CBX8: variants seen among roughly 807,000 people sequenced by gnomAD.
CBX8 encodes the protein chromobox 8, also known as chromobox protein homolog 8.
Under a neutral mutation model 39.7 loss-of-function variants are expected in CBX8, and 8 were observed. The ratio of observed to expected loss-of-function variants is 0.20; its 90% CI spans 0.12 to 0.36. The LOEUF (loss-of-function observed/expected upper bound fraction) is 0.36. CBX8 is among the 10% of genes least tolerant of loss of function. The probability of loss-of-function intolerance (pLI) is 1.00; values close to 1 mark genes in which losing one functional copy is unlikely to be tolerated. For synonymous variants in CBX8, 268 were observed against 219.8 expected (o/e 1.22, Z -1.94); for missense variants, 505 against 529.6 (o/e 0.95, Z 0.46).
rs1273589358 is a variant in CBX8, at chr17:79,795,130, G to A, written c.675C>T (p.Tyr225=). The A allele has an allele frequency of 4.3e-6, 7 of 1,613,606 alleles. No individual in the cohort carries two copies. The highest frequency in any genetic ancestry group is 1.3e-5 in the African/African-American group (1 of 75,062). Residue 225 remains tyrosine, a synonymous_variant, in exon 5 of 5, where the codon TAC becomes TAT. Coordinates refer to ENST00000269385, the MANE Select transcript of CBX8 (RefSeq NM_020649.3). This position sits in a 1 kb window ranked among gnomAD's most constrained non-coding sequence, Gnocchi z 5.8. The part of the protein sequence containing the change: ...LGEPSAGLGE[Y]LKGRKLDDTP... Reference sequence around the variant, plus strand: ...TGTCGTCCAGCTTCCTGCCCTTGAGGTACTCTCCGAGGCCGGCGCTGGGTT... The same window carrying A: ...TGTCGTCCAGCTTCCTGCCCTTGAGATACTCTCCGAGGCCGGCGCTGGGTT...
At position 79,797,025 on chromosome 17, in the gene CBX8, C is replaced by G. The variant is rs752385628; in HGVS notation, c.-27G>C. 8.7e-6 allele frequency: 14 copies of G among 1,600,912 alleles called. No homozygotes were observed. The Admixed American group carries it at 1.4e-4, about 15-fold the overall frequency. ...TTGACTCGCCGCTTCCCCCCTTGGC[C>G]GCTTCCAGGAGCAGAAAAGCAGCAG... On this transcript the variant is annotated 5_prime_UTR_variant, in exon 1 of 5. Coordinates refer to ENST00000269385, the MANE Select transcript of CBX8 (RefSeq NM_020649.3).
chr17:79,794,552 T>C lies in CBX8; in HGVS notation c.*83A>G, dbSNP rs929853267. 5.3e-6 allele frequency: 6 copies of C among 1,132,154 alleles called. No individual in the cohort carries two copies. Among genetic ancestry groups the C allele is most frequent in the South Asian group, 4.8e-5 (3 of 62,722 alleles). 70.1% of individuals were successfully genotyped at this position (1,132,154 alleles called of 1,614,324 possible). On this transcript the variant is annotated 3_prime_UTR_variant, in exon 5 of 5. Coordinates refer to ENST00000269385, the MANE Select transcript of CBX8 (RefSeq NM_020649.3). The stretch of plus-strand genomic sequence containing the variant: ...GGACGGGACCAGCCAAAAGGCCACA[T>C]CCCACCCAGAAATAAAAATCACTAT...
chr17:79,793,929 G>A lies in CBX8; in HGVS notation c.*706C>T, dbSNP rs1176155880. 6.6e-6 allele frequency: 1 copy of A among 152,058 alleles called. No homozygotes were observed. Among genetic ancestry groups the A allele is most frequent in the Non-Finnish European group, 1.5e-5 (1 of 68,034 alleles). The allele number at this position is 152,058 out of a possible 1,614,324, so 9.4% of individuals were successfully genotyped here. ...CCCTCCCTAAAGTGCATTTCCTGGT[G>A]TGGTCCTGGGGAGAAACCTCCTGTC... On this transcript the variant is annotated 3_prime_UTR_variant, in exon 5 of 5. Coordinates refer to ENST00000269385, the MANE Select transcript of CBX8 (RefSeq NM_020649.3).
rs1250666434 is a variant in CBX8, at chr17:79,795,078, C to A, written c.727G>T (p.Ala243Ser). Reference sequence around the variant, plus strand: ...GCCAGCTGGATCACACTGTGGCCGGCTGGAAACTTTCCTGCCCCGGAAGGG... The same window carrying A: ...GCCAGCTGGATCACACTGTGGCCGGATGGAAACTTTCCTGCCCCGGAAGGG... Reference protein sequence around the residue: ...DTPSGAGKFPAGHSVIQLARR... With the variant: ...DTPSGAGKFPSGHSVIQLARR... Residue 243 changes from alanine to serine, a missense_variant, in exon 5 of 5, where the codon GCC becomes TCC. Ala to Ser is a moderately conservative substitution (Grantham distance 99, BLOSUM62 1). Around this residue, in one of 3 missense-constraint regions of CBX8, gnomAD observed 456 missense variants for 389.2 expected, o/e 1.17. Transcript: ENST00000269385. The surrounding 1 kb of genome is among the most constrained non-coding windows in gnomAD (Gnocchi z 5.8). 4.3e-6 allele frequency: 7 copies of A among 1,610,130 alleles called. No homozygotes were observed. The highest frequency in any genetic ancestry group is 2.2e-5 in the East Asian group (1 of 44,740).
In CBX8 at chr17:79,793,067, G is replaced by A. The variant is rs1351088850; in HGVS notation, c.*1568C>T. The A allele has an allele frequency of 6.6e-6, 1 of 152,264 alleles. No individual in the cohort carries two copies. Among genetic ancestry groups the A allele is most frequent in the Non-Finnish European group, 1.5e-5 (1 of 68,074 alleles). 9.4% of individuals were successfully genotyped at this position (152,264 alleles called of 1,614,324 possible). A position where few individuals can be genotyped will look rare whatever the true frequency, so the allele number is the denominator to read the frequency against. ...ATCCGTGCTCCAAGAGACGGGGGTG[G>A]AGTGGAGGGGACTGATTTGTGCTTT... On this transcript the variant is annotated 3_prime_UTR_variant, in exon 5 of 5. Transcript: ENST00000269385.
In CBX8 at chr17:79,795,684, ATGGG is replaced by A. The variant is rs57326705; in HGVS notation, c.247-130_247-127del. ...TGGGAATTTCTACATGGATGCATGG[ATGGG>A]TGGGTGGGTGGGTGGGTGGATGGCT... is the stretch of plus-strand genomic sequence containing the variant. On this transcript the variant is annotated intron_variant, in intron 4 of 4. Transcript: ENST00000269385. The surrounding 1 kb of genome is among the most constrained non-coding windows in gnomAD (Gnocchi z 5.8). The A allele has an allele frequency of 0.01, 109 of 10,846 alleles. No homozygotes were observed. Among genetic ancestry groups the A allele is most frequent in the African/African-American group, 0.019 (43 of 2,276 alleles). 0.7% of individuals were successfully genotyped at this position (10,846 alleles called of 1,614,324 possible). A position where few individuals can be genotyped will look rare whatever the true frequency, so the allele number is the denominator to read the frequency against.
Position 79,795,251 on chromosome 17 carries a change from A to C in CBX8, c.554T>G (p.Val185Gly). 1.2e-6 allele frequency: 2 copies of C among 1,611,294 alleles called. No individual in the cohort carries two copies. The highest frequency in any genetic ancestry group is 1.7e-6 in the Non-Finnish European group (2 of 1,179,118). ...CCCCGGTGAGCTGGGCTTGTCATCC[A>C]CTCTGCTGGTACCCCGCTCTCGTTC... is the stretch of plus-strand genomic sequence containing the variant. ...ERERERGTSR[V>G]DDKPSSPGDS... The change falls in exon 5 of 5, where the codon GTG becomes GGG. Residue 185 changes from valine (V) to glycine (G), a missense_variant. Val to Gly is a moderately radical substitution (Grantham distance 109). Coordinates refer to ENST00000269385, the MANE Select transcript of CBX8 (RefSeq NM_020649.3). The surrounding 1 kb of genome is among the most constrained non-coding windows in gnomAD (Gnocchi z 5.8).
intron 1 of CBX8, 137 bp downstream of exon 1, chr17:79,796,793 C>T: frequency 1.4e-6 from 1 of 691,784 alleles, no homozygotes; most frequent in Non-Finnish European, 2.2e-6. Context: ...CTCAGAGCTG[C>T]CGCCGCCGCC....
chr17:79,796,397 T>C (rs752930048), intron 2 of CBX8, 82 bp from the exon 3 acceptor site: 277 of 1,592,682 alleles, frequency 1.7e-4, no homozygotes, highest in Non-Finnish European at 2.2e-4. Context: ...GTAACTTTTC[T>C]CATTGCATTG....
chr17:79,792,693 G>T lies in CBX8; in HGVS notation c.*1942C>A, dbSNP rs1263191134. On this transcript the variant is annotated 3_prime_UTR_variant, in exon 5 of 5. Transcript: ENST00000269385. The stretch of plus-strand genomic sequence containing the variant: ...AGTCTAAAATACCAGTTTTACAAAT[G>T]TGAGTAGATAAAAATCCCCATTCCA... The T allele has an allele frequency of 6.6e-6, 1 of 152,238 alleles. No homozygotes were observed. The highest frequency in any genetic ancestry group is 2.4e-5 in the African/African-American group (1 of 41,462). The allele number at this position is 152,238 out of a possible 1,614,324, so 9.4% of individuals were successfully genotyped here. A position where few individuals can be genotyped will look rare whatever the true frequency, so the allele number is the denominator to read the frequency against.
In CBX8 at chr17:79,796,266, C is replaced by A; in HGVS notation, c.163G>T (p.Ala55Ser). 3 of 1,614,136 alleles carry A rather than the reference C, an allele frequency of 1.9e-6. No homozygotes were observed. Among genetic ancestry groups the A allele is most frequent in the Non-Finnish European group, 2.5e-6 (3 of 1,180,034 alleles). The change falls in exon 3 of 5, where the codon GCA (alanine) becomes TCA (serine). Residue 55 changes from alanine to serine, a missense_variant. Transcript: ENST00000269385. ...GGTCTGTACCTTTCCTCAAAGGCTG[C>A]GAGCAAGCGAGCATCCAGGATGTTT... is the stretch of plus-strand genomic sequence containing the variant. ...EENILDARLL[A>S]AFEEREREME... is the part of the protein sequence containing the mutation.
At chr17:79,796,144 G>A (rs1156797574) in intron 3 of CBX8, 21 bp from the exon 4 acceptor site, 1 of 1,614,028 alleles carries the variant, frequency 6.2e-7, no homozygotes, top group South Asian at 1.1e-5. Context: ...AAGAAAAGGA[G>A]AAAGGGTGCG....
At position 79,796,023 on chromosome 17, in the gene CBX8, CATG is replaced by C. The variant is rs767362802; in HGVS notation, c.246+31_246+33del. 8.7e-6 allele frequency: 14 copies of C among 1,603,030 alleles called. No individual in the cohort carries two copies. In the East Asian group the frequency reaches 3.1e-4, roughly 36 times the overall value. On this transcript the variant is annotated intron_variant, in intron 4 of 4. Transcript: ENST00000269385. ...CCCCTTCCCACAAATCACTCCATAACATGGTCCTCCACCATTGGACACTGCCAA... is the reference window on the plus strand; with the variant it reads ...CCCCTTCCCACAAATCACTCCATAACGTCCTCCACCATTGGACACTGCCAA...
chr17:79,796,010 A>G, intron 4 of CBX8, 47 bp downstream of exon 4: 1 of 1,575,678 alleles, frequency 6.3e-7, no homozygotes, highest in East Asian at 2.2e-5. Context: ...CCTTCCCACA[A>G]ATCACTCCAT....
In CBX8 at chr17:79,795,263, C is replaced by A; in HGVS notation, c.542G>T (p.Gly181Val). 3.1e-6 allele frequency: 5 copies of A among 1,610,672 alleles called. No homozygotes were observed. Among genetic ancestry groups the A allele is most frequent in the South Asian group, 1.1e-5 (1 of 90,200 alleles). Residue 181 changes from glycine to valine, a missense_variant, in exon 5 of 5, where the codon GGT (glycine) becomes GTT (valine). This residue lies in a region of CBX8 where 456 missense variants were observed against 389.2 expected (regional missense o/e 1.17). Transcript: ENST00000269385. The surrounding 1 kb of genome is among the most constrained non-coding windows in gnomAD (Gnocchi z 5.8). ...GGGCTTGTCATCCACTCTGCTGGTA[C>A]CCCGCTCTCGTTCCCTCTCACGTTC... ...ERERERERER[G>V]TSRVDDKPSS...
chr17:79,796,608 T>C, intron 1 of CBX8, 68 bp from the exon 2 acceptor site: 1 of 1,563,160 alleles, frequency 6.4e-7, no homozygotes, highest in Non-Finnish European at 8.8e-7. Flanking sequence ...AAGAAATGCA[T>C]GCGAAAATGC....
chr17:79,796,917 CG>C lies in CBX8; in HGVS notation c.69+12del. ...CCCGGCCGCACGGAGGCCCTAGGCCCGGGGGCACCTACTTTCCGTATGCGCC... is the reference window on the plus strand; with the variant it reads ...CCCGGCCGCACGGAGGCCCTAGGCCCGGGGCACCTACTTTCCGTATGCGCC... On this transcript the variant is annotated intron_variant, in intron 1 of 4. Coordinates refer to ENST00000269385, the MANE Select transcript of CBX8 (RefSeq NM_020649.3). 6.2e-7 allele frequency: 1 copy of C among 1,600,842 alleles called. No homozygotes were observed. Among genetic ancestry groups the C allele is most frequent in the Non-Finnish European group, 8.5e-7 (1 of 1,174,706 alleles).
chr17:79,795,598 C>T lies in CBX8; in HGVS notation c.247-40G>A. The stretch of plus-strand genomic sequence containing the variant: ...ATGGTCTCAAGAGTGGGGCAGGGCC[C>T]TGTCCACCCCCACAGGACTCCTCCT... On this transcript the variant is annotated intron_variant, in intron 4 of 4. Transcript: ENST00000269385. The surrounding 1 kb of genome is among the most constrained non-coding windows in gnomAD (Gnocchi z 5.8). 1 of 1,447,986 alleles carries T rather than the reference C, an allele frequency of 6.9e-7. No individual in the cohort carries two copies. Among genetic ancestry groups the T allele is most frequent in the African/African-American group, 1.4e-5 (1 of 70,040 alleles). 89.7% of individuals were successfully genotyped at this position (1,447,986 alleles called of 1,614,324 possible).
chr17:79,795,247 A>G lies in CBX8; in HGVS notation c.558T>C (p.Asp186=), dbSNP rs748906082. ...TGTCCCCCGGTGAGCTGGGCTTGTC[A>G]TCCACTCTGCTGGTACCCCGCTCTC... is the stretch of plus-strand genomic sequence containing the variant. The part of the protein sequence containing the change: ...RERERGTSRV[D]DKPSSPGDSS... Residue 186 remains aspartate (D), a synonymous_variant, in exon 5 of 5, where the codon GAT becomes GAC. Coordinates refer to ENST00000269385, the MANE Select transcript of CBX8 (RefSeq NM_020649.3). The surrounding 1 kb of genome is among the most constrained non-coding windows in gnomAD (Gnocchi z 5.8). The G allele has an allele frequency of 1.7e-5, 28 of 1,612,232 alleles. No individual in the cohort carries two copies. Among genetic ancestry groups the G allele is most frequent in the Non-Finnish European group, 2.4e-5 (28 of 1,179,446 alleles).
Sources: gnomAD v4.1 joint callset for allele counts on GRCh38, gnomAD v4.1.1 for gene constraint, gnomAD v4.1.1 regional missense constraint, Gnocchi (gnomAD v3.1) non-coding constraint, MANE v1.5 for transcripts, NCBI Gene and HGNC (gene_info 2026-07-23, HGNC 2026-07-21) for gene names.